Variants in USP44 observed in about 807,000 individuals in gnomAD.
USP44 encodes ubiquitin specific peptidase 44.
Under a neutral mutation model 69.0 loss-of-function variants are expected in USP44, and 61 were observed. The ratio of observed to expected loss-of-function variants is 0.88; its 90% CI spans 0.72 to 1.09. The LOEUF (loss-of-function observed/expected upper bound fraction) is 1.09, where lower values mean the gene tolerates loss of function less well. Ranked by LOEUF, USP44 falls within the 50% of genes least tolerant of loss-of-function variation. The pLI is 0.00. For synonymous variants in USP44, 297 were observed against 295.4 expected, an observed-to-expected ratio of 1.01 and a Z score of -0.06; for missense variants, 753 against 849.9, an observed-to-expected ratio of 0.89 and a Z score of 1.42.
At chr12:95,520,269 C>T (rs7958943) in intron 5 of USP44, among the ~76,000 whole-genome samples, 3,818 of 151,650 alleles carry the variant, frequency 0.025, 166 homozygotes, top group African/African-American at 0.086. Context: ...GAGGCAGGCG[C>T]ATCACAAGGT....
chr12:95,518,130 G>T lies in USP44; in HGVS notation c.*24C>A. Reference sequence around the variant, plus strand: ...TAAAAAGTATATATATAAATCACAGGAAGAAAACCCCATTGTCTTTGGATC... The same window carrying T: ...TAAAAAGTATATATATAAATCACAGTAAGAAAACCCCATTGTCTTTGGATC... On this transcript the variant is annotated 3_prime_UTR_variant, in exon 6 of 6. Coordinates refer to ENST00000258499, the MANE Select transcript of USP44 (RefSeq NM_032147.5). The T allele has an allele frequency of 6.2e-7, 1 of 1,611,796 alleles. No homozygotes were observed. Among genetic ancestry groups the T allele is most frequent in the Non-Finnish European group, 8.5e-7 (1 of 1,178,514 alleles).
chr12:95,549,528 C>G (rs1443095555), intron 1 of USP44, among the ~76,000 whole-genome samples: 3 of 152,342 alleles, frequency 2.0e-5, no homozygotes, highest in Non-Finnish European at 4.4e-5. Flanking sequence ...GTGTTCAACT[C>G]TGAGCCAGAT....
intron 1 of USP44, among the ~76,000 whole-genome samples, chr12:95,538,292 G>C (rs900591257): frequency 2.0e-5 from 3 of 152,132 alleles, no homozygotes; most frequent in African/African-American, 7.2e-5. Flanking sequence ...TAGGGTTGTT[G>C]AGGGAATTAA....
At chr12:95,527,194 A>C (rs574611163) in intron 3 of USP44, among the ~76,000 whole-genome samples, 1 of 151,198 alleles carries the variant, frequency 6.6e-6, no homozygotes, top group South Asian at 2.1e-4. Flanking sequence ...TCCCAGGTTC[A>C]GGTGATTCTC....
intron 1 of USP44, among the ~76,000 whole-genome samples, chr12:95,541,691 TGTCA>T (rs2077395316): frequency 6.6e-6 from 1 of 152,172 alleles, no homozygotes; most frequent in African/African-American, 2.4e-5. Flanking sequence ...CGTATACATT[TGTCA>T]GTCTTGCTTT....
At position 95,521,049 on chromosome 12, in the gene USP44, C is replaced by T. The variant is rs767620617; in HGVS notation, c.1887G>A (p.Gly629=). The change falls in exon 5 of 6, where the codon GGG becomes GGA. Residue 629 remains glycine, a synonymous_variant. Coordinates refer to ENST00000258499, the MANE Select transcript of USP44 (RefSeq NM_032147.5). ...YDLSAVVMHH[G]KGFGSGHYTA... ...TGTAGTGCCCTGAGCCAAATCCTTTCCCATGGTGCATCACCACCGCGGACA... is the reference window on the plus strand; with the variant it reads ...TGTAGTGCCCTGAGCCAAATCCTTTTCCATGGTGCATCACCACCGCGGACA... 9 of 1,614,178 alleles carry T rather than the reference C, an allele frequency of 5.6e-6. No homozygotes were observed. Among genetic ancestry groups the T allele is most frequent in the Non-Finnish European group, 7.6e-6 (9 of 1,180,034 alleles).
rs760344021 is a variant in USP44, at chr12:95,518,282, A to G, written c.2011T>C (p.Tyr671His). ...ACTCGTTGGGTATAAAACAAGATAT[A>G]AGCTTGAGCCTTGCATACTTCATCC... ...TMDEVCKAQA[Y>H]ILFYTQRVTE... is the part of the protein sequence containing the mutation. Residue 671 changes from tyrosine to histidine, a missense_variant, in exon 6 of 6, where the codon TAT (tyrosine) becomes CAT (histidine). Physicochemically the swap from Tyr to His is moderately conservative, Grantham distance 83. Transcript: ENST00000258499. 3.1e-6 allele frequency: 5 copies of G among 1,614,080 alleles called. No individual in the cohort carries two copies. The highest frequency in any genetic ancestry group is 3.4e-6 in the Non-Finnish European group (4 of 1,180,042).
intron 1 of USP44, among the ~76,000 whole-genome samples, chr12:95,549,031 C>G (rs1040821130): frequency 6.6e-6 from 1 of 152,178 alleles, no homozygotes; most frequent in Admixed American, 6.5e-5. Flanking sequence ...CAAGCACTGC[C>G]TCCCCGGGCG....
intron 3 of USP44, among the ~76,000 whole-genome samples, chr12:95,525,016 T>G (rs768378774): frequency 6.6e-6 from 1 of 152,230 alleles, no homozygotes. Context: ...ATCAAGTACA[T>G]GATTTAATAA....
At chr12:95,543,890 C>T (rs1408986814) in intron 1 of USP44, among the ~76,000 whole-genome samples, 4 of 132,612 alleles carry the variant, frequency 3.0e-5, no homozygotes, top group East Asian at 4.8e-4. Flanking sequence ...TGGCGTGAAA[C>T]CAGGAGGTGG....
chr12:95,542,469 C>G (rs1026581646), intron 1 of USP44, among the ~76,000 whole-genome samples: 3 of 152,096 alleles, frequency 2.0e-5, no homozygotes, highest in Non-Finnish European at 4.4e-5. Context: ...ATATTTGAAT[C>G]AGAGGTTGAA....
At chr12:95,549,993 A>G (rs1380682399) in intron 1 of USP44, among the ~76,000 whole-genome samples, 1 of 152,140 alleles carries the variant, frequency 6.6e-6, no homozygotes, top group African/African-American at 2.4e-5. Context: ...AGCCTGGCCA[A>G]CATAGTGAAA....
chr12:95,541,050 C>T (rs59799514), intron 1 of USP44, among the ~76,000 whole-genome samples: 3,784 of 152,176 alleles, frequency 0.025, 143 homozygotes, highest in African/African-American at 0.084. Context: ...GAGGCCAAGG[C>T]GGGCGGATCA....
intron 1 of USP44, among the ~76,000 whole-genome samples, chr12:95,543,463 G>A (rs1204746584): frequency 1.3e-5 from 2 of 150,974 alleles, no homozygotes; most frequent in African/African-American, 4.9e-5. Flanking sequence ...TCCCAAACTG[G>A]GCAACATAGC....
intron 2 of USP44, among the ~76,000 whole-genome samples, chr12:95,529,391 A>G (rs1411322973): frequency 6.6e-6 from 1 of 151,760 alleles, no homozygotes; most frequent in Non-Finnish European, 1.5e-5. Flanking sequence ...TAATGTATTT[A>G]TGTCATTAGG....
chr12:95,545,843 C>T (rs1313889128), intron 1 of USP44, among the ~76,000 whole-genome samples: 1 of 152,160 alleles, frequency 6.6e-6, no homozygotes, highest in African/African-American at 2.4e-5. Context: ...GATGTATTTC[C>T]TTTCCTTTAT....
Position 95,518,273 on chromosome 12 carries a change from A to AT in USP44, c.2019_2020insA (p.Phe674IlefsTer8). On this transcript the variant is annotated frameshift_variant, in exon 6 of 6. Coordinates refer to ENST00000258499, the MANE Select transcript of USP44 (RefSeq NM_032147.5). LOFTEE classifies it high-confidence loss of function. ...TTCTCAGTAACTCGTTGGGTATAAAACAAGATATAAGCTTGAGCCTTGCAT... is the reference window on the plus strand; with the variant it reads ...TTCTCAGTAACTCGTTGGGTATAAAATCAAGATATAAGCTTGAGCCTTGCAT... The AT allele has an allele frequency of 6.2e-7, 1 of 1,614,200 alleles. No homozygotes were observed. The highest frequency in any genetic ancestry group is 8.5e-7 in the Non-Finnish European group (1 of 1,180,036).
chr12:95,536,528 G>A (rs765888555), intron 1 of USP44, among the ~76,000 whole-genome samples: 1 of 152,060 alleles, frequency 6.6e-6, no homozygotes, highest in African/African-American at 2.4e-5. Flanking sequence ...TCTGTACTGA[G>A]GCAAGAAACC....
chr12:95,539,284 G>A (rs1485273252), intron 1 of USP44, among the ~76,000 whole-genome samples: 2 of 148,414 alleles, frequency 1.3e-5, no homozygotes, highest in East Asian at 2.0e-4. Context: ...GGAGTGCAGT[G>A]GCGCGATCTA....
Sources: allele counts gnomAD v4.1 joint callset (sites outside exome capture counted in the v4.1 genomes callset), GRCh38; gene constraint gnomAD v4.1.1; transcripts MANE v1.5; gene names NCBI Gene and HGNC (gene_info 2026-07-23, HGNC 2026-07-21).